The following DAPK2 variants were observed in gnomAD, a reference collection of about 807,000 sequenced individuals.
DAPK2 encodes the protein death-associated protein kinase 2.
In DAPK2, 35 loss-of-function variants were observed where a neutral mutation model predicts 44.1. The ratio of observed to expected loss-of-function variants is 0.79; its 90% confidence interval spans 0.61 to 1.05. The LOEUF is 1.05. DAPK2 is among the 50% of genes least tolerant of loss of function. The pLI is 0.00. For synonymous variants in DAPK2, 174 were observed against 182.6 expected (o/e 0.95, Z 0.38); for missense variants, 453 against 483.2 (o/e 0.94, Z 0.59).
intron 6 of DAPK2, among the ~76,000 whole-genome samples, chr15:63,929,006 G>T (rs2079414109): frequency 6.6e-6 from 1 of 152,152 alleles, no homozygotes; most frequent in Non-Finnish European, 1.5e-5. Flanking sequence ...TTCAAGACCA[G>T]TCTGGCCAAC....
intron 1 of DAPK2, among the ~76,000 whole-genome samples, chr15:64,016,838 G>GGGAAGGAAGGAA (rs56666247): frequency 1.7e-5 from 2 of 118,096 alleles, no homozygotes; most frequent in African/African-American, 6.7e-5. Flanking sequence ...GAAGGAAGGA[G>GGGAAGGAAGGAA]GGAAGGAAGG....
chr15:64,043,138 C>T (rs982657254), upstream of DAPK2, among the ~76,000 whole-genome samples: 2 of 152,138 alleles, frequency 1.3e-5, no homozygotes, highest in East Asian at 3.8e-4. Flanking sequence ...GGAAAATGAA[C>T]GTAAGACAAT....
chr15:63,946,751 G>A (rs1048666007), intron 3 of DAPK2, among the ~76,000 whole-genome samples: 4 of 152,178 alleles, frequency 2.6e-5, no homozygotes, highest in African/African-American at 9.7e-5. Flanking sequence ...CGTGTGGCCT[G>A]CCTGCTGCTG....
At position 63,916,976 on chromosome 15, in the gene DAPK2, T is replaced by C. The variant is rs957523298; in HGVS notation, c.859-4779A>G. 7.2e-5 allele frequency: 11 copies of C among 152,070 alleles called. No homozygotes were observed. The highest frequency in any genetic ancestry group is 2.2e-4 in the African/African-American group (9 of 41,400). 9.4% of individuals were successfully genotyped at this position (152,070 alleles called of 1,614,324 possible). A position where few individuals can be genotyped will look rare whatever the true frequency, so the allele number is the denominator to read the frequency against. ...TGTAATGGGACACTGTTGGGAGTGG[T>C]GGGGACATGTGAGGATGGAATGGGA... On this transcript the variant is annotated intron_variant, in intron 8 of 10. Coordinates refer to ENST00000261891, the Ensembl canonical transcript of DAPK2. This position sits in a 1 kb window ranked among gnomAD's most constrained non-coding sequence, Gnocchi z 4.7.
intron 1 of DAPK2, among the ~76,000 whole-genome samples, chr15:64,036,729 G>C (rs2080222299): frequency 6.6e-6 from 1 of 151,554 alleles, no homozygotes; most frequent in South Asian, 2.1e-4. Flanking sequence ...AAATCAATGA[G>C]AGGGCCCTGA....
chr15:63,941,059 TTAAA>T (rs2077294450), intron 3 of DAPK2, among the ~76,000 whole-genome samples: 1 of 152,248 alleles, frequency 6.6e-6, no homozygotes, highest in Non-Finnish European at 1.5e-5. Flanking sequence ...CATAAAGCTA[TTAAA>T]TAAATAAATA....
At chr15:63,975,279 A>C (rs879849271) in intron 2 of DAPK2, among the ~76,000 whole-genome samples, 1 of 152,194 alleles carries the variant, frequency 6.6e-6, no homozygotes, top group Admixed American at 6.5e-5. Context: ...ATCCCACCAT[A>C]GACTTTAACA....
intron 6 of DAPK2, among the ~76,000 whole-genome samples, chr15:63,926,754 C>T (rs1378419074): frequency 1.3e-5 from 2 of 152,272 alleles, no homozygotes; most frequent in East Asian, 3.9e-4. Flanking sequence ...TCAGATGTGC[C>T]ATTGTCCCAA....
intron 1 of DAPK2, among the ~76,000 whole-genome samples, chr15:64,035,774 G>A (rs762674011): frequency 2.6e-5 from 4 of 152,190 alleles, no homozygotes; most frequent in Admixed American, 1.3e-4. Flanking sequence ...TCCCAAACAG[G>A]CTGGTGCCAA....
chr15:64,031,909 G>T (rs1354019035), intron 1 of DAPK2, among the ~76,000 whole-genome samples: 1 of 152,216 alleles, frequency 6.6e-6, no homozygotes, highest in African/African-American at 2.4e-5. Context: ...TTCCCACTTT[G>T]TGTTTGGGGA....
chr15:63,980,645 G>T lies in DAPK2; in HGVS notation c.314+2888C>A, dbSNP rs2078478276. Among the ~76,000 whole-genome samples the T allele has an allele frequency of 6.6e-6, 1 of 152,150 alleles. No homozygotes were observed. The highest frequency in any genetic ancestry group is 6.5e-5 in the Admixed American group (1 of 15,282). On this transcript the variant is annotated intron_variant, in intron 2 of 10. Coordinates refer to ENST00000261891, the Ensembl canonical transcript of DAPK2. The surrounding 1 kb of genome is among the most constrained non-coding windows in gnomAD (Gnocchi z 4.3). ...AGGAGAAAATCATGAGAAGAAAGTT[G>T]TTTTATCAGTAAAATTTGTAATGGT...
intron 1 of DAPK2, among the ~76,000 whole-genome samples, chr15:63,997,700 G>A (rs1411602059): frequency 6.6e-6 from 1 of 152,112 alleles, no homozygotes; most frequent in Non-Finnish European, 1.5e-5. Flanking sequence ...CACCCATCAA[G>A]TCTCCCACAC....
At chr15:64,046,363 G>GAA, upstream of DAPK2, 3 of 384,484 alleles carry the variant, frequency 7.8e-6, no homozygotes, top group African/African-American at 4.3e-5. The surrounding 1 kb of genome is among the most constrained non-coding windows in gnomAD (Gnocchi z 5.3). Flanking sequence ...GGCGCGGCGG[G>GAA]CGCGGCGGGC....
chr15:64,037,182 T>C (rs1215853545), intron 1 of DAPK2, among the ~76,000 whole-genome samples: 2 of 152,150 alleles, frequency 1.3e-5, no homozygotes, highest in African/African-American at 4.8e-5. Context: ...ATTCACCACC[T>C]GGATCTGGTC....
At chr15:64,004,888 C>T (rs1056831172) in intron 1 of DAPK2, among the ~76,000 whole-genome samples, 7 of 152,220 alleles carry the variant, frequency 4.6e-5, no homozygotes, top group African/African-American at 1.7e-4. Flanking sequence ...AGTGCCAAAT[C>T]AGTGATGACT....
rs574461157 is a variant in DAPK2 at position 63,982,389 on chromosome 15, C to G, written c.314+1144G>C. Among the ~76,000 whole-genome samples, 11 of 152,102 alleles carry G rather than the reference C, an allele frequency of 7.2e-5. No individual in the cohort carries two copies. The South Asian group carries it at 2.3e-3, about 32-fold the overall frequency. ...TATTTTCAGTAGAGATGGGGTTTCACCATGTTAGCCAGGCTGGTCTCAAAC... is the reference window on the plus strand; with the variant it reads ...TATTTTCAGTAGAGATGGGGTTTCAGCATGTTAGCCAGGCTGGTCTCAAAC... On this transcript the variant is annotated intron_variant, in intron 2 of 10. Coordinates refer to ENST00000261891, the Ensembl canonical transcript of DAPK2.
intron 1 of DAPK2, among the ~76,000 whole-genome samples, chr15:63,984,735 T>C (rs1567252693): frequency 6.6e-6 from 1 of 152,172 alleles, no homozygotes; most frequent in Non-Finnish European, 1.5e-5. Context: ...TTCAGCTTAA[T>C]GGCTCAATAA....
At chr15:64,019,943 A>G (rs938841878) in intron 1 of DAPK2, among the ~76,000 whole-genome samples, 3 of 152,158 alleles carry the variant, frequency 2.0e-5, no homozygotes, top group African/African-American at 7.2e-5. Flanking sequence ...TTTTCATGCC[A>G]CAGAGTCAAT....
intron 3 of DAPK2, among the ~76,000 whole-genome samples, chr15:63,955,262 C>T (rs2077692232): frequency 6.6e-6 from 1 of 152,202 alleles, no homozygotes; most frequent in African/African-American, 2.4e-5. Flanking sequence ...GTTTTACCCA[C>T]TCAGTATGAT....
Sources: gnomAD v4.1 joint callset for allele counts (sites outside exome capture counted in the v4.1 genomes callset) on GRCh38, gnomAD v4.1.1 for gene constraint, Gnocchi (gnomAD v3.1) non-coding constraint, MANE v1.5 for transcripts, NCBI Gene and HGNC (gene_info 2026-07-23, HGNC 2026-07-21) for gene names.